Variants in CYFIP1 observed in about 807,000 individuals in gnomAD.
The protein encoded by CYFIP1 is cytoplasmic FMR1 interacting protein 1.
Under a neutral mutation model 163.5 loss-of-function variants are expected in CYFIP1, and 58 were observed. That is an observed-to-expected ratio of 0.35 (90% CI 0.29 to 0.44). The LOEUF (loss-of-function observed/expected upper bound fraction) is 0.44, where lower values mean the gene tolerates loss of function less well. Among genes scored for constraint, CYFIP1 ranks in the 20% least tolerant of loss-of-function variants. The probability of loss-of-function intolerance (pLI) is 1.00; values close to 1 mark genes in which losing one functional copy is unlikely to be tolerated. For synonymous variants in CYFIP1, 663 were observed against 660.7 expected (o/e 1.00, Z -0.05); for missense variants, 1,338 against 1,653.8 (o/e 0.81, Z 3.31).
At chr15:22,955,949 G>T (rs2062434393) in intron 1 of CYFIP1, among the ~76,000 whole-genome samples, 1 of 152,154 alleles carries the variant, frequency 6.6e-6, no homozygotes, top group South Asian at 2.1e-4. Context: ...TGGGCACAGT[G>T]GCTCACTTCT....
Position 22,869,909 on chromosome 15 carries a change from C to A in CYFIP1, c.*119G>T. 1.1e-6 allele frequency: 1 copy of A among 904,638 alleles called. No homozygotes were observed. The highest frequency in any genetic ancestry group is 1.5e-6 in the Non-Finnish European group (1 of 674,256). The allele number at this position is 904,638 out of a possible 1,614,324, so 56.0% of individuals were successfully genotyped here. A position where few individuals can be genotyped will look rare whatever the true frequency, so the allele number is the denominator to read the frequency against. ...ATTTTATAAAATTAAGTTTTTAGAT[C>A]GAAAAGCACCCCCTTTAACAGGTAC... On this transcript the variant is annotated 3_prime_UTR_variant, in exon 31 of 31. Transcript: ENST00000617928.
At chr15:22,979,103 G>A (rs1353605736) in intron 1 of CYFIP1, among the ~76,000 whole-genome samples, 3 of 152,174 alleles carry the variant, frequency 2.0e-5, no homozygotes, top group South Asian at 4.1e-4. Context: ...ACTCCAGGGC[G>A]CCTCGGTCGC....
At chr15:22,894,117 G>C (rs1340820746) in intron 22 of CYFIP1, among the ~76,000 whole-genome samples, 1 of 151,978 alleles carries the variant, frequency 6.6e-6, no homozygotes, top group Non-Finnish European at 1.5e-5. Flanking sequence ...ACCTCCGATG[G>C]TGACACACCT....
At chr15:22,965,405 G>C (rs980520812) in intron 1 of CYFIP1, among the ~76,000 whole-genome samples, 1 of 152,238 alleles carries the variant, frequency 6.6e-6, no homozygotes, top group Non-Finnish European at 1.5e-5. Context: ...GTTGTGGTGA[G>C]CTGAGATGGT....
At chr15:22,894,029 CAG>C (rs549037414) in intron 22 of CYFIP1, among the ~76,000 whole-genome samples, 313 of 152,194 alleles carry the variant, frequency 2.1e-3, no homozygotes, top group African/African-American at 7.0e-3. Flanking sequence ...CCCCATTTCC[CAG>C]AGATTCCTGG....
intron 11 of CYFIP1, among the ~76,000 whole-genome samples, chr15:22,930,352 C>CTCCA (rs1309890830): frequency 6.8e-6 from 1 of 147,692 alleles, no homozygotes; most frequent in African/African-American, 2.5e-5. Flanking sequence ...CACCACTGCA[C>CTCCA]TCCAGCCTGG....
At chr15:22,905,002 A>G (rs987967411) in intron 21 of CYFIP1, 5 of 152,226 alleles carry the variant, frequency 3.3e-5, no homozygotes, top group Middle Eastern at 3.4e-3. Flanking sequence ...CAGAAGATCA[A>G]TTTGGCTGGC....
At chr15:22,939,609 C>G (rs2061834966) in intron 6 of CYFIP1, 102 bp from the exon 7 acceptor site, 3 of 901,868 alleles carry the variant, frequency 3.3e-6, no homozygotes, top group Non-Finnish European at 4.9e-6. Context: ...TCCCTTTCCC[C>G]TACAGTCATC....
At chr15:22,923,381 T>A (rs2061252184) in intron 13 of CYFIP1, among the ~76,000 whole-genome samples, 1 of 152,174 alleles carries the variant, frequency 6.6e-6, no homozygotes, top group Admixed American at 6.5e-5. Context: ...CCTTAGTTGT[T>A]AGAAAACCGC....
intron 13 of CYFIP1, among the ~76,000 whole-genome samples, chr15:22,922,523 A>C (rs895183546): frequency 2.6e-5 from 4 of 152,170 alleles, no homozygotes; most frequent in Non-Finnish European, 2.9e-5. Context: ...GGCTGCAAGG[A>C]GTCATAACCT....
intron 30 of CYFIP1, among the ~76,000 whole-genome samples, chr15:22,871,903 G>A (rs942986129): frequency 6.6e-6 from 1 of 152,144 alleles, no homozygotes; most frequent in African/African-American, 2.4e-5. Context: ...AGCTGGGCCT[G>A]GCTGAACTCA....
chr15:22,895,817 C>A (rs1304444058), intron 22 of CYFIP1, among the ~76,000 whole-genome samples: 1 of 152,192 alleles, frequency 6.6e-6, no homozygotes, highest in East Asian at 1.9e-4. Context: ...AAACTGAACA[C>A]CACAGCCCAA....
At chr15:22,933,204 C>T (rs2061595013) in intron 10 of CYFIP1, among the ~76,000 whole-genome samples, 1 of 152,020 alleles carries the variant, frequency 6.6e-6, no homozygotes. Flanking sequence ...ATAGGAATCC[C>T]TAGGATGATG....
chr15:22,929,283 C>G (rs374208192), intron 11 of CYFIP1, among the ~76,000 whole-genome samples: 1 of 150,044 alleles, frequency 6.7e-6, no homozygotes, highest in Non-Finnish European at 1.5e-5. Flanking sequence ...ACCTGCAAAA[C>G]AAATCATAAA....
chr15:22,882,974 T>G lies in CYFIP1; in HGVS notation c.2714A>C (p.Tyr905Ser), dbSNP rs780844111. The G allele has an allele frequency of 6.2e-7, 1 of 1,613,952 alleles. No individual in the cohort carries two copies. The highest frequency in any genetic ancestry group is 8.5e-7 in the Non-Finnish European group (1 of 1,179,900). ...GTGTGGAGGTCCCACGAAGTTCCGG[T>G]AGCTGCCGTAAATGCTGGAGTAGGC... ...NLAYSSIYGS[Y>S]RNFVGPPHFQ... is the part of the protein sequence containing the mutation. The change falls in exon 24 of 31, where the codon TAC (tyrosine) becomes TCC (serine). Residue 905 changes from tyrosine to serine, a missense_variant. By Grantham distance (144) the Tyr-to-Ser change is moderately radical. Transcript: ENST00000617928.
At chr15:22,970,735 C>A (rs543138966) in intron 1 of CYFIP1, among the ~76,000 whole-genome samples, 2 of 152,280 alleles carry the variant, frequency 1.3e-5, no homozygotes, top group East Asian at 1.9e-4. Context: ...AACTGAATAT[C>A]CACACATACA....
Position 22,910,560 on chromosome 15 carries a change from G to T in CYFIP1, c.2228C>A (p.Ser743Tyr). ...CTTCAGCAGCGTCTCGTAGCGGTTA[G>T]ACGGCGGGAGGTGGATCGTGGCTCC... ...NQGATIHLPP[S>Y]NRYETLLKQR... The change falls in exon 20 of 31, where the codon TCT (serine) becomes TAT (tyrosine). Residue 743 changes from serine to tyrosine, a missense_variant. Around this residue, in one of 4 missense-constraint regions of CYFIP1, gnomAD observed 824 missense variants for 995.7 expected, o/e 0.83. Transcript: ENST00000617928. 1 of 1,614,208 alleles carries T rather than the reference G, an allele frequency of 6.2e-7. No individual in the cohort carries two copies. Among genetic ancestry groups the T allele is most frequent in the Non-Finnish European group, 8.5e-7 (1 of 1,180,012 alleles).
At position 22,883,676 on chromosome 15, in the gene CYFIP1, G is replaced by C. The variant is rs374185776; in HGVS notation, c.2677-665C>G. Reference sequence around the variant, plus strand: ...ACTAAATATACAAAAAATTAGCCGGGCGTGGTGGCAGGTGCCTGTAGTCCC... The same window carrying C: ...ACTAAATATACAAAAAATTAGCCGGCCGTGGTGGCAGGTGCCTGTAGTCCC... On this transcript the variant is annotated intron_variant, in intron 23 of 30. Transcript: ENST00000617928. 5.9e-5 allele frequency among the ~76,000 whole-genome samples: 9 copies of C among 152,028 alleles called. No individual in the cohort carries two copies. The East Asian group carries it at 1.4e-3, about 23-fold the overall frequency.
chr15:22,939,056 G>T, intron 8 of CYFIP1, 136 bp downstream of exon 8: 1 of 1,062,416 alleles, frequency 9.4e-7, no homozygotes, highest in Non-Finnish European at 1.4e-6. Flanking sequence ...TGTGTGCAAG[G>T]GCAGGACGCT....
Sources: allele counts gnomAD v4.1 joint callset (sites outside exome capture counted in the v4.1 genomes callset), GRCh38; gene constraint gnomAD v4.1.1; regional missense constraint gnomAD v4.1.1; transcripts MANE v1.5; gene names NCBI Gene and HGNC (gene_info 2026-07-23, HGNC 2026-07-21).